The following CKLF variants were observed in gnomAD, a reference collection of about 807,000 sequenced individuals.
CKLF encodes chemokine like factor, also known as chemokine-like factor.
Under a neutral mutation model 12.9 loss-of-function variants are expected in CKLF, and 16 were observed. The observed-to-expected ratio is 1.24, with a 90% CI of 0.84 to 1.88. CKLF has a LOEUF of 1.88. Ranked by LOEUF, CKLF falls within the 40% of genes most tolerant of loss-of-function variation. CKLF has a pLI of 0.00. For missense variants in CKLF, 172 were observed against 188.5 expected, an observed-to-expected ratio of 0.91 and a Z score of 0.51; for synonymous variants, 61 against 69.0, an observed-to-expected ratio of 0.88 and a Z score of 0.57.
chr16:66,560,199 T>C (rs1269326979), intron 2 of CKLF, among the ~76,000 whole-genome samples: 3 of 151,968 alleles, frequency 2.0e-5, no homozygotes, highest in Non-Finnish European at 4.4e-5. Flanking sequence ...AGGGTCTAGG[T>C]GGAGAAAGAG....
chr16:66,552,695 G>C lies in CKLF; in HGVS notation c.-21G>C. On this transcript the variant is annotated 5_prime_UTR_variant, in exon 1 of 4. Transcript: ENST00000264001. ...CTGAGAAGAGTTGAGGGAAAGTGCT[G>C]CTGCTGGGTCTGCAGACGCGATGGA... 1.2e-6 allele frequency: 2 copies of C among 1,614,148 alleles called. No homozygotes were observed. Among genetic ancestry groups the C allele is most frequent in the Non-Finnish European group, 1.7e-6 (2 of 1,180,034 alleles).
At chr16:66,564,474 T>TC (rs957017708) in intron 3 of CKLF, among the ~76,000 whole-genome samples, 7 of 150,584 alleles carry the variant, frequency 4.6e-5, no homozygotes, top group African/African-American at 1.5e-4. Context: ...TTTTTCTTTT[T>TC]TTTTTTTTTC....
At chr16:66,562,891 T>C (rs2011833671) in intron 2 of CKLF, among the ~76,000 whole-genome samples, 1 of 152,114 alleles carries the variant, frequency 6.6e-6, no homozygotes, top group Admixed American at 6.5e-5. Flanking sequence ...TGGCTAATTT[T>C]TGTTTTTTTT....
chr16:66,554,392 CA>C (rs2011328564), intron 1 of CKLF, among the ~76,000 whole-genome samples: 1 of 151,990 alleles, frequency 6.6e-6, no homozygotes, highest in Admixed American at 6.6e-5. Context: ...GGCATGGAGG[CA>C]AAAAATAGCA....
At chr16:66,566,091 ACT>A, downstream of CKLF, 1 of 1,612,112 alleles carries the variant, frequency 6.2e-7, no homozygotes, top group African/African-American at 1.3e-5. The surrounding 1 kb of genome is among the most constrained non-coding windows in gnomAD (Gnocchi z 4.9). Flanking sequence ...AGTTATTTTA[ACT>A]CAGTATAGGA....
At chr16:66,552,921 G>T in intron 1 of CKLF, 128 bp downstream of exon 1, 4 of 1,322,032 alleles carry the variant, frequency 3.0e-6, no homozygotes, top group Non-Finnish European at 4.3e-6. Flanking sequence ...GAAAGGCAAG[G>T]CATGGCCTCC....
chr16:66,566,226 G>C (rs536456154), downstream of CKLF: 1 of 1,491,070 alleles, frequency 6.7e-7, no homozygotes, highest in Non-Finnish European at 8.9e-7. The surrounding 1 kb of genome is among the most constrained non-coding windows in gnomAD (Gnocchi z 4.9). Context: ...AGGGAAGAAT[G>C]TGCCGGGATC....
At chr16:66,556,307 C>G (rs2011451341) in intron 1 of CKLF, among the ~76,000 whole-genome samples, 1 of 151,820 alleles carries the variant, frequency 6.6e-6, no homozygotes, top group Admixed American at 6.6e-5. Context: ...AACAGCAGCT[C>G]AAAGTACTGG....
At chr16:66,558,537 A>G in intron 2 of CKLF, 189 bp downstream of exon 2, 1 of 689,028 alleles carries the variant, frequency 1.5e-6, no homozygotes, top group Non-Finnish European at 2.2e-6. Context: ...CAGGGCAGCC[A>G]CAGAGCATAA....
chr16:66,555,563 T>TA (rs1353647872), intron 1 of CKLF, among the ~76,000 whole-genome samples: 1 of 152,142 alleles, frequency 6.6e-6, no homozygotes, highest in Non-Finnish European at 1.5e-5. Context: ...AGCCTATTGA[T>TA]AAAGCAAATG....
At chr16:66,564,703 G>A (rs544864517) in intron 3 of CKLF, among the ~76,000 whole-genome samples, 5 of 152,228 alleles carry the variant, frequency 3.3e-5, no homozygotes, top group African/African-American at 4.8e-5. Context: ...ATCTTCCGAC[G>A]TCGTGATCCG....
chr16:66,552,805 C>T lies in CKLF; in HGVS notation c.78+12C>T. ...AGATGCTGCGGCTGGTGAGGCCGGG[C>T]CGCGGAGGGCGGGAGGCTGATGAAG... On this transcript the variant is annotated intron_variant, in intron 1 of 3. Coordinates refer to ENST00000264001, the MANE Select transcript of CKLF (RefSeq NM_016951.4). 2 of 1,613,818 alleles carry T rather than the reference C, an allele frequency of 1.2e-6. No homozygotes were observed. The highest frequency in any genetic ancestry group is 1.3e-5 in the African/African-American group (1 of 75,036).
chr16:66,552,698 G>A lies in CKLF; in HGVS notation c.-18G>A. The A allele has an allele frequency of 1.2e-6, 2 of 1,614,142 alleles. No individual in the cohort carries two copies. The highest frequency in any genetic ancestry group is 1.7e-6 in the Non-Finnish European group (2 of 1,180,030). Reference sequence around the variant, plus strand: ...AGAAGAGTTGAGGGAAAGTGCTGCTGCTGGGTCTGCAGACGCGATGGATAA... The same window carrying A: ...AGAAGAGTTGAGGGAAAGTGCTGCTACTGGGTCTGCAGACGCGATGGATAA... On this transcript the variant is annotated 5_prime_UTR_variant, in exon 1 of 4. Transcript: ENST00000264001.
intron 2 of CKLF, 160 bp from the exon 3 acceptor site, chr16:66,562,962 T>C (rs768644663): frequency 1.3e-6 from 1 of 758,156 alleles, no homozygotes; most frequent in Non-Finnish European, 2.2e-6. Flanking sequence ...CTTCAAGTGA[T>C]CTGTCTGCCT....
chr16:66,552,752 T>G lies in CKLF; in HGVS notation c.37T>G (p.Phe13Val). 6.2e-7 allele frequency: 1 copy of G among 1,614,150 alleles called. No homozygotes were observed. The change falls in exon 1 of 4, where the codon TTC becomes GTC. Residue 13 changes from phenylalanine to valine, a missense_variant. By Grantham distance (50) the Phe-to-Val change is conservative. Coordinates refer to ENST00000264001, the MANE Select transcript of CKLF (RefSeq NM_016951.4). The stretch of plus-strand genomic sequence containing the variant: ...GCAGCCGAAAATAAAACATCGCCCC[T>G]TCTGCTTCAGTGTGAAAGGCCACGT... ...NVQPKIKHRP[F>V]CFSVKGHVKM...
intron 1 of CKLF, among the ~76,000 whole-genome samples, chr16:66,553,994 A>C (rs2011302188): frequency 6.6e-6 from 1 of 152,240 alleles, no homozygotes; most frequent in South Asian, 2.1e-4. Flanking sequence ...TTGGGAGTAA[A>C]TACTCAGGGC....
chr16:66,552,647 G>A lies in CKLF; in HGVS notation c.-69G>A. 1 of 1,610,564 alleles carries A rather than the reference G, an allele frequency of 6.2e-7. No homozygotes were observed. Among genetic ancestry groups the A allele is most frequent in the South Asian group, 1.1e-5 (1 of 91,010 alleles). ...CCGCGGTGGCGGTTGCTATCGCTTC[G>A]CAGAACCTACTCAGGCAGCCAGCTG... On this transcript the variant is annotated 5_prime_UTR_variant, in exon 1 of 4. Coordinates refer to ENST00000264001, the MANE Select transcript of CKLF (RefSeq NM_016951.4).
chr16:66,563,091 T>C, intron 2 of CKLF, 31 bp from the exon 3 acceptor site: 4 of 1,612,562 alleles, frequency 2.5e-6, no homozygotes, highest in Non-Finnish European at 3.4e-6. Flanking sequence ...GTAGTCTTCA[T>C]GTAAGGCTCA....
intron 1 of CKLF, among the ~76,000 whole-genome samples, chr16:66,557,029 GAAGA>G (rs1370246590): frequency 6.6e-6 from 1 of 152,078 alleles, no homozygotes; most frequent in Non-Finnish European, 1.5e-5. Context: ...ATTTGGAAAT[GAAGA>G]AATTTCAGAG....
Sources: gnomAD v4.1 joint callset for allele counts (sites outside exome capture counted in the v4.1 genomes callset) on GRCh38, gnomAD v4.1.1 for gene constraint, Gnocchi (gnomAD v3.1) non-coding constraint, MANE v1.5 for transcripts, NCBI Gene and HGNC (gene_info 2026-07-23, HGNC 2026-07-21) for gene names.